Variants in MON1B observed in about 807,000 individuals in gnomAD.
MON1B encodes the protein vacuolar fusion protein MON1 homolog B.
In MON1B, 26 loss-of-function variants were observed where a neutral mutation model predicts 45.1. The observed-to-expected ratio is 0.58, with a 90% CI of 0.42 to 0.80. The LOEUF (loss-of-function observed/expected upper bound fraction) is 0.80, where lower values mean the gene tolerates loss of function less well. Among genes scored for constraint, MON1B ranks in the 30% least tolerant of loss-of-function variants. The probability of loss-of-function intolerance (pLI) is 0.00; values close to 1 mark genes in which losing one functional copy is unlikely to be tolerated. For synonymous variants in MON1B, 395 were observed against 320.2 expected (o/e 1.23, Z -2.49); for missense variants, 737 against 754.5 (o/e 0.98, Z 0.27).
Position 77,201,857 on chromosome 16 carries a change from A to G in MON1B, c.*3549A>G, listed in dbSNP as rs1418755057. 1.3e-5 allele frequency: 2 copies of G among 152,174 alleles called. No individual in the cohort carries two copies. Among genetic ancestry groups the G allele is most frequent in the Middle Eastern group, 3.2e-3 (1 of 316 alleles). The allele number at this position is 152,174 out of a possible 1,614,324, so 9.4% of individuals were successfully genotyped here. A position where few individuals can be genotyped will look rare whatever the true frequency, so the allele number is the denominator to read the frequency against. On this transcript the variant is annotated 3_prime_UTR_variant, in exon 6 of 6. Coordinates refer to ENST00000248248, the MANE Select transcript of MON1B (RefSeq NM_014940.4). ...TTGATAGGATTATTATTGACACACA[A>G]GGAGCTCCAAAAGAGATCGTATTTT... is the stretch of plus-strand genomic sequence containing the variant.
chr16:77,194,059 T>C lies in MON1B; in HGVS notation c.476-276T>C. On this transcript the variant is annotated intron_variant, in intron 3 of 5. Transcript: ENST00000248248. The surrounding 1 kb of genome is among the most constrained non-coding windows in gnomAD (Gnocchi z 8.1). Reference sequence around the variant, plus strand: ...GGGCTGTGTGGTTGAGCTGTGTCTTTCTGGCTCTGTGTCAGCCCTTGTACC... The same window carrying C: ...GGGCTGTGTGGTTGAGCTGTGTCTTCCTGGCTCTGTGTCAGCCCTTGTACC... 1.7e-6 allele frequency: 1 copy of C among 599,524 alleles called. No individual in the cohort carries two copies. The highest frequency in any genetic ancestry group is 3.0e-6 in the Non-Finnish European group (1 of 337,478). 37.1% of individuals were successfully genotyped at this position (599,524 alleles called of 1,614,324 possible).
In MON1B at chr16:77,199,585, C is replaced by T; in HGVS notation, c.*1277C>T. 4.3e-6 allele frequency: 5 copies of T among 1,159,672 alleles called. No homozygotes were observed. The highest frequency in any genetic ancestry group is 6.1e-6 in the Non-Finnish European group (5 of 816,460). 71.8% of individuals were successfully genotyped at this position (1,159,672 alleles called of 1,614,324 possible). ...AAAGGAGGGAGGATTCGTCCCATTACAATAATGAAATAATGATATTCTAAT... is the reference window on the plus strand; with the variant it reads ...AAAGGAGGGAGGATTCGTCCCATTATAATAATGAAATAATGATATTCTAAT... On this transcript the variant is annotated 3_prime_UTR_variant, in exon 6 of 6. Transcript: ENST00000248248.
chr16:77,196,039 G>A (rs558440096), intron 5 of MON1B, among the ~76,000 whole-genome samples: 66 of 152,218 alleles, frequency 4.3e-4, no homozygotes, highest in African/African-American at 1.5e-3. Flanking sequence ...CCAGCTCATT[G>A]TGACTCCATG....
Position 77,193,859 on chromosome 16 carries a change from C to A in MON1B, c.475+82C>A, listed in dbSNP as rs1215400375. 9 of 1,415,734 alleles carry A rather than the reference C, an allele frequency of 6.4e-6. No homozygotes were observed. The highest frequency in any genetic ancestry group is 5.7e-5 in the African/African-American group (4 of 70,642). 87.7% of individuals were successfully genotyped at this position (1,415,734 alleles called of 1,614,324 possible). On this transcript the variant is annotated intron_variant, in intron 3 of 5. Coordinates refer to ENST00000248248, the MANE Select transcript of MON1B (RefSeq NM_014940.4). The surrounding 1 kb of genome is among the most constrained non-coding windows in gnomAD (Gnocchi z 5.0). ...CGGGTAGGTCTGTCTGCCTCAGGCA[C>A]TATCCAGCCAGCCAGGGTTGGGTCC... is the stretch of plus-strand genomic sequence containing the variant.
chr16:77,195,442 A>C lies in MON1B; in HGVS notation c.1296-93A>C, dbSNP rs1391973252. 31 of 1,413,796 alleles carry C rather than the reference A, an allele frequency of 2.2e-5. No individual in the cohort carries two copies. The Admixed American group carries it at 8.0e-4, about 36-fold the overall frequency. 87.6% of individuals were successfully genotyped at this position (1,413,796 alleles called of 1,614,324 possible). ...TCTCATGGGAGAGGCTCAGCTCCCT[A>C]ACTTCATTGAAATCTCTAGACTGAG... On this transcript the variant is annotated intron_variant, in intron 4 of 5. Transcript: ENST00000248248.
At chr16:77,197,966 T>G in intron 5 of MON1B, 142 bp from the exon 6 acceptor site, 3 of 794,634 alleles carry the variant, frequency 3.8e-6, no homozygotes, top group Non-Finnish European at 6.2e-6. Context: ...CTTAGCCCAG[T>G]ATCTAGGCAG....
Position 77,193,702 on chromosome 16 carries a change from G to C in MON1B, c.400G>C (p.Ala134Pro), listed in dbSNP as rs144997913. 71 of 1,613,934 alleles carry C rather than the reference G, an allele frequency of 4.4e-5. No individual in the cohort carries two copies. The highest frequency in any genetic ancestry group is 5.5e-5 in the Non-Finnish European group (65 of 1,179,964). The change falls in exon 3 of 6, where the codon GCT becomes CCT. Residue 134 changes from alanine (A) to proline (P), a missense_variant. Ala to Pro is a conservative substitution (Grantham distance 27, BLOSUM62 -1). Coordinates refer to ENST00000248248, the MANE Select transcript of MON1B (RefSeq NM_014940.4). The surrounding 1 kb of genome is among the most constrained non-coding windows in gnomAD (Gnocchi z 5.0). Reference protein sequence around the residue: ...SRYGSVEALSATMGVMTALVS... With the variant: ...SRYGSVEALSPTMGVMTALVS... Reference sequence around the variant, plus strand: ...GTATGGTAGTGTGGAGGCGCTGTCGGCTACCATGGGTGTAATGACCGCCCT... The same window carrying C: ...GTATGGTAGTGTGGAGGCGCTGTCGCCTACCATGGGTGTAATGACCGCCCT...
In MON1B at chr16:77,193,842, T is replaced by C. The variant is rs1398292413; in HGVS notation, c.475+65T>C. 4 of 1,496,320 alleles carry C rather than the reference T, an allele frequency of 2.7e-6. No individual in the cohort carries two copies. In the East Asian group the frequency reaches 7.0e-5, roughly 26 times the overall value. 92.7% of individuals were successfully genotyped at this position (1,496,320 alleles called of 1,614,324 possible). A position where few individuals can be genotyped will look rare whatever the true frequency, so the allele number is the denominator to read the frequency against. Reference sequence around the variant, plus strand: ...TGGGAATATGGCTGGCACGGGTAGGTCTGTCTGCCTCAGGCACTATCCAGC... The same window carrying C: ...TGGGAATATGGCTGGCACGGGTAGGCCTGTCTGCCTCAGGCACTATCCAGC... On this transcript the variant is annotated intron_variant, in intron 3 of 5. Coordinates refer to ENST00000248248, the MANE Select transcript of MON1B (RefSeq NM_014940.4). This position sits in a 1 kb window ranked among gnomAD's most constrained non-coding sequence, Gnocchi z 5.0.
Position 77,194,337 on chromosome 16 carries a change from G to T in MON1B, c.478G>T (p.Asp160Tyr), listed in dbSNP as rs774073272. The T allele has an allele frequency of 1.2e-6, 2 of 1,603,782 alleles. No homozygotes were observed. The highest frequency in any genetic ancestry group is 8.5e-7 in the Non-Finnish European group (1 of 1,179,786). ...CTTCTTACCCCTTCCTTCCCTAGAG[G>T]ACCACAAGCTGGTGTTCCTACAACA... ...GDAIRAIYAE[D>Y]HKLVFLQQGP... Residue 160 changes from aspartate to tyrosine, a missense_variant and splice_region_variant, in exon 4 of 6, where the codon GAC becomes TAC. Physicochemically the swap from Asp to Tyr is radical, Grantham distance 160 (BLOSUM62 -3). Coordinates refer to ENST00000248248, the MANE Select transcript of MON1B (RefSeq NM_014940.4). This position sits in a 1 kb window ranked among gnomAD's most constrained non-coding sequence, Gnocchi z 8.1.
intron 2 of MON1B, among the ~76,000 whole-genome samples, chr16:77,192,002 T>C (rs1404663615): frequency 7.9e-5 from 12 of 151,570 alleles, no homozygotes. Context: ...TTTTGAGGAG[T>C]AGGGTGTTAT....
Position 77,199,181 on chromosome 16 carries a change from G to A in MON1B, c.*873G>A, listed in dbSNP as rs2054700472. On this transcript the variant is annotated 3_prime_UTR_variant, in exon 6 of 6. Transcript: ENST00000248248. ...CTAAAGCAGGAGAGACCTCCCTAGG[G>A]TTTTGTGTGTGTGCACACTACCCTC... The A allele has an allele frequency of 2.2e-6, 1 of 455,634 alleles. No individual in the cohort carries two copies. Among genetic ancestry groups the A allele is most frequent in the Non-Finnish European group, 3.9e-6 (1 of 256,128 alleles). 28.2% of individuals were successfully genotyped at this position (455,634 alleles called of 1,614,324 possible). A position where few individuals can be genotyped will look rare whatever the true frequency, so the allele number is the denominator to read the frequency against.
chr16:77,197,374 T>A (rs8061301), intron 5 of MON1B, among the ~76,000 whole-genome samples: 1 of 152,192 alleles, frequency 6.6e-6, no homozygotes, highest in African/African-American at 2.4e-5. Context: ...CCAGCCTGGG[T>A]AACAGAGTAA....
Position 77,198,610 on chromosome 16 carries a change from CT to C in MON1B, c.*303del. The stretch of plus-strand genomic sequence containing the variant: ...TCTAGCCTCTGTCAGGGACTGTCCC[CT>C]CCAAACTTGCTTCCGTGGTCTGCCT... On this transcript the variant is annotated 3_prime_UTR_variant, in exon 6 of 6. Coordinates refer to ENST00000248248, the MANE Select transcript of MON1B (RefSeq NM_014940.4). 2.4e-6 allele frequency: 1 copy of C among 415,794 alleles called. No homozygotes were observed. The highest frequency in any genetic ancestry group is 4.4e-6 in the Non-Finnish European group (1 of 224,964). The allele number at this position is 415,794 out of a possible 1,614,324, so 25.8% of individuals were successfully genotyped here. A position where few individuals can be genotyped will look rare whatever the true frequency, so the allele number is the denominator to read the frequency against.
chr16:77,195,082 C>T lies in MON1B; in HGVS notation c.1223C>T (p.Pro408Leu), dbSNP rs745838166. The part of the protein sequence containing the change: ...PAYSVQAVGA[P>L]GLRHFLYKPL... Reference sequence around the variant, plus strand: ...TACAGCGTGCAGGCTGTCGGGGCGCCGGGCCTCCGGCACTTCCTGTATAAG... The same window carrying T: ...TACAGCGTGCAGGCTGTCGGGGCGCTGGGCCTCCGGCACTTCCTGTATAAG... Residue 408 changes from proline (P) to leucine (L), a missense_variant, in exon 4 of 6, where the codon CCG becomes CTG. By Grantham distance (98) the Pro-to-Leu change is moderately conservative. Coordinates refer to ENST00000248248, the MANE Select transcript of MON1B (RefSeq NM_014940.4). 8 of 1,603,856 alleles carry T rather than the reference C, an allele frequency of 5.0e-6. No individual in the cohort carries two copies. The highest frequency in any genetic ancestry group is 3.3e-5 in the Admixed American group (2 of 59,936).
rs1342224908 is a variant in MON1B, at chr16:77,193,812, G to C, written c.475+35G>C. 3.8e-6 allele frequency: 6 copies of C among 1,579,604 alleles called. No individual in the cohort carries two copies. The highest frequency in any genetic ancestry group is 5.2e-6 in the Non-Finnish European group (6 of 1,159,744). On this transcript the variant is annotated intron_variant, in intron 3 of 5. Coordinates refer to ENST00000248248, the MANE Select transcript of MON1B (RefSeq NM_014940.4). The surrounding 1 kb of genome is among the most constrained non-coding windows in gnomAD (Gnocchi z 5.0). ...CAGGTGGGAGGCAGAATGGGGGACA[G>C]TGACTGGGAATATGGCTGGCACGGG... is the stretch of plus-strand genomic sequence containing the variant.
Position 77,198,267 on chromosome 16 carries a change from A to G in MON1B, c.1603A>G (p.Thr535Ala), listed in dbSNP as rs772046846. 1.8e-5 allele frequency: 29 copies of G among 1,614,022 alleles called. No individual in the cohort carries two copies. Among genetic ancestry groups the G allele is most frequent in the African/African-American group, 4.0e-5 (3 of 74,914 alleles). Residue 535 changes from threonine (T) to alanine (A), a missense_variant, in exon 6 of 6, where the codon ACG (threonine) becomes GCG (alanine). Transcript: ENST00000248248. ...GTACTCCACACCACCAGCCACCTCTACGGACCAAGCTGCCCATAATGGCTT... is the reference window on the plus strand; with the variant it reads ...GTACTCCACACCACCAGCCACCTCTGCGGACCAAGCTGCCCATAATGGCTT... Reference protein sequence around the residue: ...PKYSTPPATSTDQAAHNGLFT... With the variant: ...PKYSTPPATSADQAAHNGLFT...
rs1324655918 is a variant in MON1B at position 77,194,720 on chromosome 16, A to C, written c.861A>C (p.Ala287=). 2.5e-6 allele frequency: 4 copies of C among 1,613,752 alleles called. No individual in the cohort carries two copies. Among genetic ancestry groups the C allele is most frequent in the East Asian group, 2.2e-5 (1 of 44,850 alleles). Reference sequence around the variant, plus strand: ...CAGTAGGCGGTCGACTTATAACAGCAGCCCAGGAGCGAAATGTGCTGGCCG... The same window carrying C: ...CAGTAGGCGGTCGACTTATAACAGCCGCCCAGGAGCGAAATGTGCTGGCCG... The part of the protein sequence containing the change: ...VLAVGGRLIT[A]AQERNVLAEC... Residue 287 remains alanine, a synonymous_variant, in exon 4 of 6, where the codon GCA becomes GCC. Coordinates refer to ENST00000248248, the MANE Select transcript of MON1B (RefSeq NM_014940.4). This position sits in a 1 kb window ranked among gnomAD's most constrained non-coding sequence, Gnocchi z 8.1.
chr16:77,195,539 G>A lies in MON1B; in HGVS notation c.1300G>A (p.Glu434Lys), dbSNP rs1464418807. ...CACCTCCCTCCATCATGGCAGCCCT[G>A]AGCTAGAGGCCCCCTACAGCAGAGA... ...HRQLPQFTSP[E>K]LEAPYSREEE... Residue 434 changes from glutamate (E) to lysine (K), a missense_variant, in exon 5 of 6, where the codon GAG becomes AAG. By Grantham distance (56) the Glu-to-Lys change is moderately conservative (BLOSUM62 1). Transcript: ENST00000248248. The A allele has an allele frequency of 5.0e-6, 8 of 1,613,040 alleles. No individual in the cohort carries two copies. In the African/African-American group the frequency reaches 8.0e-5, roughly 16 times the overall value.
Position 77,199,323 on chromosome 16 carries a change from G to A in MON1B, c.*1015G>A. On this transcript the variant is annotated 3_prime_UTR_variant, in exon 6 of 6. Coordinates refer to ENST00000248248, the MANE Select transcript of MON1B (RefSeq NM_014940.4). ...GTGTGTTCTGCGCCTGCCCAGAGCT[G>A]ACTCCTGATTTAACCGCTGGCGTAA... 1.2e-6 allele frequency: 1 copy of A among 847,400 alleles called. No individual in the cohort carries two copies. The allele number at this position is 847,400 out of a possible 1,614,324, so 52.5% of individuals were successfully genotyped here. A position where few individuals can be genotyped will look rare whatever the true frequency, so the allele number is the denominator to read the frequency against.
Sources: allele counts gnomAD v4.1 joint callset (sites outside exome capture counted in the v4.1 genomes callset), GRCh38; gene constraint gnomAD v4.1.1; non-coding constraint Gnocchi (gnomAD v3.1); transcripts MANE v1.5; gene names NCBI Gene and HGNC (gene_info 2026-07-23, HGNC 2026-07-21).